Variants in SNX25 observed in about 807,000 individuals in gnomAD.
SNX25 encodes the protein sorting nexin 25, also known as sorting nexin-25.
A neutral mutation model predicts 113.7 loss-of-function variants in SNX25; 62 were observed. The observed-to-expected ratio is 0.55, with a 90% confidence interval of 0.44 to 0.67. SNX25 has a LOEUF of 0.67. Among genes scored for constraint, SNX25 ranks in the 30% least tolerant of loss-of-function variants. The pLI, the probability that SNX25 is intolerant of heterozygous loss-of-function variation, is 0.00. For missense variants in SNX25, 1,014 were observed against 1,161.0 expected, an observed-to-expected ratio of 0.87 and a Z score of 1.84; for synonymous variants, 421 against 436.2, an observed-to-expected ratio of 0.97 and a Z score of 0.43.
At chr4:185,207,087 C>G (rs1737219374), upstream of SNX25, among the ~76,000 whole-genome samples, 1 of 152,104 alleles carries the variant, frequency 6.6e-6, no homozygotes, top group Non-Finnish European at 1.5e-5. Flanking sequence ...AAGGGTGGAT[C>G]TTCCCTACTC....
At chr4:185,212,466 TGTGTG>T (rs879838145) in intron 1 of SNX25, among the ~76,000 whole-genome samples, 1,796 of 73,046 alleles carry the variant, frequency 0.025, 113 homozygotes, top group Middle Eastern at 0.033. Context: ...TTGTGTGATG[TGTGTG>T]TGTGTGTGTG....
intron 1 of SNX25, among the ~76,000 whole-genome samples, chr4:185,236,986 G>A (rs889256297): frequency 2.0e-5 from 3 of 152,154 alleles, no homozygotes; most frequent in Non-Finnish European, 4.4e-5. Flanking sequence ...ATCTATAATA[G>A]AGAATGTATT....
chr4:185,372,830 A>C, downstream of SNX25: 1 of 1,511,632 alleles, frequency 6.6e-7, no homozygotes, highest in East Asian at 2.3e-5. Flanking sequence ...CTGTTACAGC[A>C]GCACAGAACA....
rs760599314 is a variant in SNX25, at chr4:185,339,331, A to T, written c.1915-48A>T. 1.4e-5 allele frequency: 22 copies of T among 1,579,032 alleles called. No individual in the cohort carries two copies. The South Asian group carries it at 2.4e-4, about 17-fold the overall frequency. On this transcript the variant is annotated intron_variant, in intron 10 of 18. Transcript: ENST00000652585. ...GAATCCTGCTACTTTGCTGAATTGCATAGTTTTAAGTGTTTTCATAACTCC... is the reference window on the plus strand; with the variant it reads ...GAATCCTGCTACTTTGCTGAATTGCTTAGTTTTAAGTGTTTTCATAACTCC...
intron 16 of SNX25, among the ~76,000 whole-genome samples, chr4:185,359,358 T>A (rs2095352199): frequency 6.6e-6 from 1 of 152,078 alleles, no homozygotes; most frequent in African/African-American, 2.4e-5. Flanking sequence ...AAAAAAAGTT[T>A]TAGTTGCCCG....
In SNX25 at chr4:185,351,546, A is replaced by G. The variant is rs749438970; in HGVS notation, c.2403A>G (p.Lys801=). ...YLKVIDVQGK[K]NSFSLSSFLE... ...AGGTTATCGACGTGCAGGGGAAAAA[A>G]AATTCTTTTTCATTATCCTCATTTT... Residue 801 remains lysine (K), a synonymous_variant, in exon 14 of 19, where the codon AAA becomes AAG. Transcript: ENST00000652585. 2.0e-5 allele frequency: 32 copies of G among 1,614,058 alleles called. No homozygotes were observed. The highest frequency in any genetic ancestry group is 1.1e-5 in the South Asian group (1 of 91,094).
In SNX25 at chr4:185,243,168, C is replaced by G. The variant is rs1157928819; in HGVS notation, c.430-4126C>G. On this transcript the variant is annotated intron_variant, in intron 1 of 18. Coordinates refer to ENST00000652585, the MANE Select transcript of SNX25 (RefSeq NM_001378034.2). Reference sequence around the variant, plus strand: ...ACATTATTCTCATAAACCCATCTCCCTTGCAATTTGATTTTTATTATGGTA... The same window carrying G: ...ACATTATTCTCATAAACCCATCTCCGTTGCAATTTGATTTTTATTATGGTA... Among the ~76,000 whole-genome samples the G allele has an allele frequency of 2.6e-5, 4 of 152,170 alleles. No individual in the cohort carries two copies. The East Asian group carries it at 7.7e-4, about 29-fold the overall frequency.
chr4:185,311,560 G>T (rs138161717), intron 7 of SNX25, among the ~76,000 whole-genome samples: 1 of 152,302 alleles, frequency 6.6e-6, no homozygotes, highest in East Asian at 1.9e-4. Context: ...TAGCTGTGCC[G>T]TGGAAGGAAC....
chr4:185,250,406 T>A (rs1157761243), intron 2 of SNX25, among the ~76,000 whole-genome samples: 1 of 152,242 alleles, frequency 6.6e-6, no homozygotes, highest in Non-Finnish European at 1.5e-5. Context: ...AGTTCACAGT[T>A]GGCAATGAAT....
At chr4:185,224,566 TAA>T (rs1242600055) in intron 1 of SNX25, among the ~76,000 whole-genome samples, 4 of 115,716 alleles carry the variant, frequency 3.5e-5, no homozygotes, top group East Asian at 3.0e-4. Context: ...TAAATATATA[TAA>T]GTGTATATAA....
chr4:185,252,564 C>T (rs1339425240), intron 2 of SNX25, among the ~76,000 whole-genome samples: 1 of 152,014 alleles, frequency 6.6e-6, no homozygotes, highest in African/African-American at 2.4e-5. Context: ...ACCATTTTAT[C>T]TTTATATATC....
intron 13 of SNX25, among the ~76,000 whole-genome samples, chr4:185,348,612 G>T (rs1252942383): frequency 6.6e-6 from 1 of 152,124 alleles, no homozygotes; most frequent in Non-Finnish European, 1.5e-5. Flanking sequence ...GGACAGGCAG[G>T]TCTCGAACTC....
chr4:185,325,405 C>T (rs574906936), intron 9 of SNX25, among the ~76,000 whole-genome samples: 4 of 151,984 alleles, frequency 2.6e-5, no homozygotes, highest in East Asian at 1.9e-4. Flanking sequence ...TGATAGCATG[C>T]GCCTGTAGTC....
upstream of SNX25, chr4:185,209,199 G>C (rs918225087): frequency 2.0e-5 from 3 of 152,208 alleles, no homozygotes; most frequent in East Asian, 5.8e-4. The surrounding 1 kb of genome is among the most constrained non-coding windows in gnomAD (Gnocchi z 5.2). Flanking sequence ...ACTGTGACAG[G>C]GAGTCTCGGG....
chr4:185,361,263 C>T (rs537677636), intron 16 of SNX25, among the ~76,000 whole-genome samples: 1 of 152,254 alleles, frequency 6.6e-6, no homozygotes, highest in African/African-American at 2.4e-5. Flanking sequence ...CAGACCACTT[C>T]CAACAGTCTT....
chr4:185,208,477 C>T (rs1178299101), upstream of SNX25, among the ~76,000 whole-genome samples: 2 of 151,918 alleles, frequency 1.3e-5, no homozygotes, highest in Non-Finnish European at 2.9e-5. Flanking sequence ...CACCTATAAT[C>T]CCAGCACTTT....
Position 185,239,280 on chromosome 4 carries a change from G to A in SNX25, c.430-8014G>A, listed in dbSNP as rs578030821. Among the ~76,000 whole-genome samples the A allele has an allele frequency of 1.8e-3, 274 of 152,032 alleles. 2 individuals are homozygous for A. The highest frequency in any genetic ancestry group is 0.011 in the East Asian group (57 of 5,160). On this transcript the variant is annotated intron_variant, in intron 1 of 18. Coordinates refer to ENST00000652585, the MANE Select transcript of SNX25 (RefSeq NM_001378034.2). ...GCAGATCACTTGAGGTCAGGAGATC[G>A]AGACCATCCTGGCCAACACGGTGAA... is the stretch of plus-strand genomic sequence containing the variant.
intron 3 of SNX25, among the ~76,000 whole-genome samples, chr4:185,261,114 CTGTGTGTGTGTG>C (rs369434936): frequency 5.4e-4 from 76 of 141,758 alleles, no homozygotes; most frequent in Middle Eastern, 3.6e-3. Flanking sequence ...CTGTCTGTCT[CTGTGTGTGTGTG>C]TGTGTGTGTG....
chr4:185,363,485 C>T lies in SNX25; in HGVS notation c.*20C>T. ...GTTTGAGACTACACAAATAAACCAC[C>T]AGAAAAATGTCTGTGTAATAATAGA... On this transcript the variant is annotated 3_prime_UTR_variant, in exon 19 of 19. Coordinates refer to ENST00000652585, the MANE Select transcript of SNX25 (RefSeq NM_001378034.2). This position sits in a 1 kb window ranked among gnomAD's most constrained non-coding sequence, Gnocchi z 4.2. 1 of 1,607,922 alleles carries T rather than the reference C, an allele frequency of 6.2e-7. No individual in the cohort carries two copies. Among genetic ancestry groups the T allele is most frequent in the Non-Finnish European group, 8.5e-7 (1 of 1,174,540 alleles).
Sources: allele counts gnomAD v4.1 joint callset (sites outside exome capture counted in the v4.1 genomes callset), GRCh38; gene constraint gnomAD v4.1.1; non-coding constraint Gnocchi (gnomAD v3.1); transcripts MANE v1.5; gene names NCBI Gene and HGNC (gene_info 2026-07-23, HGNC 2026-07-21).